Variants in PLRG1 observed in about 807,000 individuals in gnomAD.
PLRG1 encodes the protein pleiotropic regulator 1 (PRL1 homolog, Arabidopsis).
In PLRG1, 28 loss-of-function variants were observed where a neutral mutation model predicts 74.9. The ratio of observed to expected loss-of-function variants is 0.37; its 90% CI spans 0.28 to 0.51. PLRG1 has a LOEUF of 0.51. PLRG1 is among the 20% of genes least tolerant of loss of function. The probability of loss-of-function intolerance (pLI) is 0.91; values close to 1 mark genes in which losing one functional copy is unlikely to be tolerated. For missense variants in PLRG1, 445 were observed against 631.9 expected, an observed-to-expected ratio of 0.70 and a Z score of 3.17; for synonymous variants, 197 against 212.4, an observed-to-expected ratio of 0.93 and a Z score of 0.63.
At chr4:154,546,251 G>T in intron 4 of PLRG1, 38 bp from the exon 5 acceptor site, 1 of 1,062,360 alleles carries the variant, frequency 9.4e-7, no homozygotes, top group Non-Finnish European at 1.5e-6. Context: ...TAGTAGCTGT[G>T]TATTATTCAT....
At chr4:154,540,272 GA>G (rs1464986125) in intron 10 of PLRG1, 3 of 583,042 alleles carry the variant, frequency 5.1e-6, no homozygotes, top group Non-Finnish European at 9.1e-6. Context: ...TCAGGGTACT[GA>G]AAATCTAAGA....
At chr4:154,547,911 A>G in intron 2 of PLRG1, 58 bp from the exon 3 acceptor site, 1 of 1,316,784 alleles carries the variant, frequency 7.6e-7, no homozygotes, top group Non-Finnish European at 1.1e-6. Flanking sequence ...ACAAACACTT[A>G]GCTTAAGTTT....
chr4:154,546,855 T>C (rs1729664951), intron 4 of PLRG1, 156 bp downstream of exon 4: 3 of 647,986 alleles, frequency 4.6e-6, no homozygotes, highest in Non-Finnish European at 8.5e-6. Context: ...AATGAAGGCA[T>C]ATGAGTATTC....
rs1307478223 is a variant in PLRG1, at chr4:154,539,985, C to T, written c.1008G>A (p.Val336=). 6.3e-7 allele frequency: 1 copy of T among 1,595,928 alleles called. No homozygotes were observed. The highest frequency in any genetic ancestry group is 8.6e-7 in the Non-Finnish European group (1 of 1,163,638). Reference sequence around the variant, plus strand: ...TTTGTGGTTCTGCAGCCTGACATCTCACTGTAGCAACTGCATTTGTATGTC... The same window carrying T: ...TTTGTGGTTCTGCAGCCTGACATCTTACTGTAGCAACTGCATTTGTATGTC... ...LSGHTNAVAT[V]RCQAAEPQII... Residue 336 remains valine, a synonymous_variant, in exon 11 of 15, where the codon GTG becomes GTA. Transcript: ENST00000499023.
At chr4:154,546,973 A>AT in intron 4 of PLRG1, 38 bp downstream of exon 4, 1 of 1,446,018 alleles carries the variant, frequency 6.9e-7, no homozygotes. Flanking sequence ...TATATGTGAC[A>AT]TTTTTAAGAC....
chr4:154,547,089 C>T, intron 3 of PLRG1, 25 bp from the exon 4 acceptor site: 2 of 1,569,716 alleles, frequency 1.3e-6, no homozygotes, highest in African/African-American at 1.3e-5. Flanking sequence ...AAAAAATCAA[C>T]AGTAGTGAAT....
chr4:154,544,279 C>T (rs1483202489), intron 7 of PLRG1, among the ~76,000 whole-genome samples, 166 bp downstream of exon 7: 2 of 152,198 alleles, frequency 1.3e-5, no homozygotes, highest in African/African-American at 4.8e-5. Context: ...AAGTCACCTT[C>T]CCAAGAGATC....
rs776252493 is a variant in PLRG1 at position 154,550,317 on chromosome 4, C to G, written c.-9G>C. On this transcript the variant is annotated 5_prime_UTR_variant, in exon 1 of 15. Transcript: ENST00000499023. ...CACTTTACCTCGACCATGATGCTACCGTGTATCCCACCTCCGGCAGGGAAG... is the reference window on the plus strand; with the variant it reads ...CACTTTACCTCGACCATGATGCTACGGTGTATCCCACCTCCGGCAGGGAAG... 1.9e-6 allele frequency: 3 copies of G among 1,613,022 alleles called. No individual in the cohort carries two copies. The highest frequency in any genetic ancestry group is 2.2e-5 in the East Asian group (1 of 44,882).
intron 5 of PLRG1, 53 bp from the exon 6 acceptor site, chr4:154,545,976 T>A: frequency 7.9e-7 from 1 of 1,263,514 alleles, no homozygotes; most frequent in Non-Finnish European, 1.1e-6. Flanking sequence ...CAGTCATGTA[T>A]TCTGCAAAAC....
chr4:154,548,478 G>A (rs1365426110), intron 2 of PLRG1, among the ~76,000 whole-genome samples: 1 of 152,104 alleles, frequency 6.6e-6, no homozygotes, highest in African/African-American at 2.4e-5. Context: ...TCATACTAAC[G>A]AGAAAAGATG....
At position 154,539,116 on chromosome 4, in the gene PLRG1, TA is replaced by T; in HGVS notation, c.1139del (p.Leu380TyrfsTer16). 2 of 1,585,204 alleles carry T rather than the reference TA, an allele frequency of 1.3e-6. No homozygotes were observed. Among genetic ancestry groups the T allele is most frequent in the Non-Finnish European group, 1.7e-6 (2 of 1,153,832 alleles). Reference protein sequence around the residue: ...NHKKSVRAVVLHPRHYTFASG... With the variant: ...NHKKSVRAVVXHPRHYTFASG... The stretch of plus-strand genomic sequence containing the variant: ...GAAAATACACTTACTGTCTTGGATG[TA>T]AAACCACAGCCCTAACTGATTTTTT... On this transcript the variant is annotated frameshift_variant, in exon 12 of 15. Transcript: ENST00000499023. LOFTEE classifies it high-confidence loss of function.
rs1348780974 is a variant in PLRG1, at chr4:154,546,112, A to G, written c.404+11T>C. On this transcript the variant is annotated intron_variant, in intron 5 of 14. Transcript: ENST00000499023. ...TGCTTTTAAGATCTTTGTAATTATAATATTTCATACTTGGTCTGCAAAGGT... is the reference window on the plus strand; with the variant it reads ...TGCTTTTAAGATCTTTGTAATTATAGTATTTCATACTTGGTCTGCAAAGGT... The G allele has an allele frequency of 1.4e-6, 2 of 1,468,732 alleles. No homozygotes were observed. The highest frequency in any genetic ancestry group is 4.5e-5 in the East Asian group (2 of 44,216). 91.0% of individuals were successfully genotyped at this position (1,468,732 alleles called of 1,614,324 possible). A position where few individuals can be genotyped will look rare whatever the true frequency, so the allele number is the denominator to read the frequency against.
intron 2 of PLRG1, 147 bp from the exon 3 acceptor site, chr4:154,548,000 C>T: frequency 1.7e-6 from 1 of 587,600 alleles, no homozygotes; most frequent in Non-Finnish European, 2.9e-6. Context: ...GGGCATTTCC[C>T]CACCATATCT....
At chr4:154,549,632 G>T (rs1299299295) in intron 1 of PLRG1, 1 of 455,512 alleles carries the variant, frequency 2.2e-6, no homozygotes, top group East Asian at 6.9e-5. Flanking sequence ...GTCAGTAAAG[G>T]GTTTTAAACA....
intron 12 of PLRG1, chr4:154,538,867 ACT>A: frequency 2.3e-6 from 1 of 442,508 alleles, no homozygotes; most frequent in Admixed American, 3.7e-5. Context: ...CATGATTTAC[ACT>A]GTCTCATTTG....
chr4:154,550,049 C>T (rs1729731110), intron 1 of PLRG1, among the ~76,000 whole-genome samples: 1 of 152,206 alleles, frequency 6.6e-6, no homozygotes, highest in Admixed American at 6.5e-5. Context: ...TTTCCAGCTC[C>T]CAAGAGTCAA....
At chr4:154,537,016 T>A (rs1275770055) in intron 14 of PLRG1, among the ~76,000 whole-genome samples, 1 of 152,146 alleles carries the variant, frequency 6.6e-6, no homozygotes, top group Admixed American at 6.6e-5. Context: ...GATTCTCGAA[T>A]TAATTTACAT....
chr4:154,549,948 A>C (rs1454082950), intron 1 of PLRG1, among the ~76,000 whole-genome samples: 1 of 152,222 alleles, frequency 6.6e-6, no homozygotes, highest in Non-Finnish European at 1.5e-5. Flanking sequence ...GAAGACTACC[A>C]ATCTTTTAGG....
intron 4 of PLRG1, chr4:154,546,485 A>T: frequency 2.5e-6 from 1 of 398,254 alleles, no homozygotes. Context: ...ATATTTGGGT[A>T]TTAGTTTCAA....
Sources: gnomAD v4.1 joint callset for allele counts (sites outside exome capture counted in the v4.1 genomes callset) on GRCh38, gnomAD v4.1.1 for gene constraint, MANE v1.5 for transcripts, NCBI Gene and HGNC (gene_info 2026-07-23, HGNC 2026-07-21) for gene names.